Variants in RAD51AP1 observed in about 807,000 individuals in gnomAD.
RAD51AP1 encodes the protein RAD51 associated protein 1, also known as RAD51-associated protein 1.
Under a neutral mutation model 34.3 loss-of-function variants are expected in RAD51AP1, and 14 were observed. The ratio of observed to expected loss-of-function variants is 0.41; its 90% CI spans 0.27 to 0.64. The LOEUF (loss-of-function observed/expected upper bound fraction) is 0.64, where lower values mean the gene tolerates loss of function less well. Ranked by LOEUF, RAD51AP1 falls within the 30% of genes least tolerant of loss-of-function variation. The pLI is 0.33. For synonymous variants in RAD51AP1, 114 were observed against 129.8 expected (o/e 0.88, Z 0.83); for missense variants, 348 against 386.9 (o/e 0.90, Z 0.84).
At chr12:4,555,977 C>T (rs115617857) in intron 7 of RAD51AP1, among the ~76,000 whole-genome samples, 2,871 of 152,278 alleles carry the variant, frequency 0.019, 91 homozygotes, top group African/African-American at 0.065. Flanking sequence ...ACTCACGAGA[C>T]ACTATTGTGT....
chr12:4,546,296 G>A lies in RAD51AP1; in HGVS notation c.210-13G>A. ...TTTTGAAGAACTCATTATTACTTGTGTATCTATTTTAGGATGGCTTTAGAT... is the reference window on the plus strand; with the variant it reads ...TTTTGAAGAACTCATTATTACTTGTATATCTATTTTAGGATGGCTTTAGAT... On this transcript the variant is annotated splice_polypyrimidine_tract_variant and intron_variant, in intron 3 of 8. Coordinates refer to ENST00000352618, the MANE Select transcript of RAD51AP1 (RefSeq NM_006479.5). The A allele has an allele frequency of 6.5e-7, 1 of 1,532,766 alleles. No homozygotes were observed. Among genetic ancestry groups the A allele is most frequent in the African/African-American group, 1.4e-5 (1 of 72,722 alleles). 94.9% of individuals were successfully genotyped at this position (1,532,766 alleles called of 1,614,324 possible). A position where few individuals can be genotyped will look rare whatever the true frequency, so the allele number is the denominator to read the frequency against.
intron 7 of RAD51AP1, among the ~76,000 whole-genome samples, chr12:4,555,672 G>A (rs550115643): frequency 1.7e-4 from 26 of 152,258 alleles, no homozygotes; most frequent in Non-Finnish European, 3.7e-4. Context: ...TTTGCACACT[G>A]TACTCCCTCT....
chr12:4,556,662 T>C, intron 8 of RAD51AP1, 160 bp downstream of exon 8: 2 of 740,492 alleles, frequency 2.7e-6, no homozygotes, highest in Non-Finnish European at 4.2e-6. Context: ...ATTTAACCAT[T>C]CCTTATTATT....
At position 4,552,068 on chromosome 12, in the gene RAD51AP1, G is replaced by A. The variant is rs74059627; in HGVS notation, c.557-915G>A. ...TCTTTAATAAAGTTTTGTATGGTCT[G>A]TATTTTCTACAATCAGCATGTACTG... On this transcript the variant is annotated intron_variant, in intron 6 of 8. Transcript: ENST00000352618. 4.7e-3 allele frequency among the ~76,000 whole-genome samples: 718 copies of A among 152,174 alleles called. 10 individuals carry two copies. Among genetic ancestry groups the A allele is most frequent in the African/African-American group, 0.017 (690 of 41,534 alleles).
At chr12:4,551,813 A>G (rs1944549211) in intron 6 of RAD51AP1, among the ~76,000 whole-genome samples, 1 of 152,182 alleles carries the variant, frequency 6.6e-6, no homozygotes, top group Admixed American at 6.6e-5. Context: ...TTTTATTTTA[A>G]TATACTACAA....
intron 3 of RAD51AP1, among the ~76,000 whole-genome samples, chr12:4,544,909 T>C (rs1944495278): frequency 1.3e-5 from 2 of 152,152 alleles, no homozygotes; most frequent in Admixed American, 6.5e-5. Flanking sequence ...ACTAGATGAC[T>C]TAATACAAAA....
rs117401667 is a variant in RAD51AP1 at position 4,554,423 on chromosome 12, T to C, written c.721+1276T>C. 4.7e-4 allele frequency among the ~76,000 whole-genome samples: 71 copies of C among 152,362 alleles called. No individual in the cohort carries two copies. The East Asian group carries it at 0.013, about 28-fold the overall frequency. Reference sequence around the variant, plus strand: ...AGTCCCTTTGCCATGTAAGGTAACATATTCACATGTTCTGGCAATGACGAT... The same window carrying C: ...AGTCCCTTTGCCATGTAAGGTAACACATTCACATGTTCTGGCAATGACGAT... On this transcript the variant is annotated intron_variant, in intron 7 of 8. Transcript: ENST00000352618.
intron 7 of RAD51AP1, among the ~76,000 whole-genome samples, chr12:4,555,185 C>CA (rs1476446206): frequency 6.6e-6 from 1 of 151,932 alleles, no homozygotes; most frequent in Non-Finnish European, 1.5e-5. Context: ...TCCCCACCAC[C>CA]AAAAAAATAA....
At chr12:4,544,469 G>A (rs75543888) in intron 3 of RAD51AP1, among the ~76,000 whole-genome samples, 5 of 152,230 alleles carry the variant, frequency 3.3e-5, no homozygotes, top group South Asian at 4.1e-4. Context: ...AGAGATGGGC[G>A]GAAGGGGAAT....
intron 4 of RAD51AP1, among the ~76,000 whole-genome samples, chr12:4,546,886 A>T (rs959645940): frequency 6.6e-6 from 1 of 152,034 alleles, no homozygotes; most frequent in South Asian, 2.1e-4. Flanking sequence ...TTCTCCTTTG[A>T]TTTTTCTGGC....
intron 8 of RAD51AP1, among the ~76,000 whole-genome samples, chr12:4,558,432 A>G (rs1418118838): frequency 3.9e-5 from 6 of 152,224 alleles, no homozygotes; most frequent in Non-Finnish European, 8.8e-5. Context: ...AGTATAAATA[A>G]ATAACAATAT....
chr12:4,544,023 A>T lies in RAD51AP1; in HGVS notation c.209+119A>T, dbSNP rs550280540. On this transcript the variant is annotated intron_variant, in intron 3 of 8. Coordinates refer to ENST00000352618, the MANE Select transcript of RAD51AP1 (RefSeq NM_006479.5). Reference sequence around the variant, plus strand: ...GCAGAGTCATAGGTCTTATTTTACTAGGTGCAGTCAGAAAACAGGACGTAC... The same window carrying T: ...GCAGAGTCATAGGTCTTATTTTACTTGGTGCAGTCAGAAAACAGGACGTAC... 7.9e-6 allele frequency: 6 copies of T among 755,060 alleles called. No individual in the cohort carries two copies. The South Asian group carries it at 1.3e-4, about 16-fold the overall frequency. 46.8% of individuals were successfully genotyped at this position (755,060 alleles called of 1,614,324 possible).
Position 4,553,105 on chromosome 12 carries a change from G to A in RAD51AP1, c.679G>A (p.Glu227Lys), listed in dbSNP as rs897850804. ...AGAAGTGAAGGTAAAATCCCCAGTAGAAAAGAAAGAGAAGAAATCTAAATC... is the reference window on the plus strand; with the variant it reads ...AGAAGTGAAGGTAAAATCCCCAGTAAAAAAGAAAGAGAAGAAATCTAAATC... ...KKEVKVKSPV[E>K]KKEKKSKSKC... Residue 227 changes from glutamate (E) to lysine (K), a missense_variant, in exon 7 of 9, where the codon GAA becomes AAA. Glu to Lys is a moderately conservative substitution (Grantham distance 56). Coordinates refer to ENST00000352618, the MANE Select transcript of RAD51AP1 (RefSeq NM_006479.5). 9 of 1,597,906 alleles carry A rather than the reference G, an allele frequency of 5.6e-6. No homozygotes were observed. The highest frequency in any genetic ancestry group is 6.8e-6 in the Non-Finnish European group (8 of 1,174,888).
At chr12:4,541,155 C>G (rs1225534558) in intron 1 of RAD51AP1, among the ~76,000 whole-genome samples, 1 of 152,102 alleles carries the variant, frequency 6.6e-6, no homozygotes, top group Non-Finnish European at 1.5e-5. Context: ...CTACATGGCA[C>G]TCAAAGGAAA....
intron 5 of RAD51AP1, 133 bp downstream of exon 5, chr12:4,548,311 T>A: frequency 8.0e-7 from 1 of 1,256,302 alleles, no homozygotes; most frequent in Non-Finnish European, 1.1e-6. Context: ...TGGCCTTTAT[T>A]TCTTTGTGTT....
At position 4,553,165 on chromosome 12, in the gene RAD51AP1, CACTT is replaced by C. The variant is rs1944558518; in HGVS notation, c.721+20_721+23del. On this transcript the variant is annotated intron_variant, in intron 7 of 8. Coordinates refer to ENST00000352618, the MANE Select transcript of RAD51AP1 (RefSeq NM_006479.5). ...TGCTTTGGGTAAGCTTGGTCCAAAA[CACTT>C]AATTTTATAAAGGAAATGTATGTGG... The C allele has an allele frequency of 6.7e-7, 1 of 1,490,528 alleles. No individual in the cohort carries two copies. The allele number at this position is 1,490,528 out of a possible 1,614,324, so 92.3% of individuals were successfully genotyped here.
chr12:4,557,413 T>G (rs1186928348), intron 8 of RAD51AP1, among the ~76,000 whole-genome samples: 1 of 152,230 alleles, frequency 6.6e-6, no homozygotes, highest in Non-Finnish European at 1.5e-5. Context: ...AGAGTCTTCA[T>G]TTCATCATGT....
intron 1 of RAD51AP1, among the ~76,000 whole-genome samples, chr12:4,540,922 A>G (rs147623127): frequency 1.7e-4 from 26 of 152,314 alleles, no homozygotes; most frequent in African/African-American, 6.0e-4. Flanking sequence ...CATTCTTTTT[A>G]CTTGAAAGAA....
chr12:4,552,237 G>C (rs1944551891), intron 6 of RAD51AP1, among the ~76,000 whole-genome samples: 1 of 152,082 alleles, frequency 6.6e-6, no homozygotes, highest in African/African-American at 2.4e-5. Context: ...TATCTACAAG[G>C]CATGGTTTTC....
Sources: gnomAD v4.1 joint callset for allele counts (sites outside exome capture counted in the v4.1 genomes callset) on GRCh38, gnomAD v4.1.1 for gene constraint, MANE v1.5 for transcripts, NCBI Gene and HGNC (gene_info 2026-07-23, HGNC 2026-07-21) for gene names.